GPC4: variants seen among roughly 807,000 people sequenced by gnomAD.
GPC4 encodes glypican-4.
A neutral mutation model predicts 35.0 loss-of-function variants in GPC4; 10 were observed. That is an observed-to-expected ratio of 0.29 (90% CI 0.18 to 0.48). GPC4 has a LOEUF of 0.48. Among genes scored for constraint, GPC4 ranks in the 20% least tolerant of loss-of-function variants. The probability of loss-of-function intolerance (pLI) is 0.99; values close to 1 mark genes in which losing one functional copy is unlikely to be tolerated. For missense variants in GPC4, 322 were observed against 451.3 expected (o/e 0.71, Z 2.60); for synonymous variants, 167 against 170.2 (o/e 0.98, Z 0.15).
intron 2 of GPC4, among the ~76,000 whole-genome samples, chrX:133,334,933 A>G (rs2068435507): frequency 1.8e-5 from 2 of 112,254 alleles, no homozygotes; most frequent in Admixed American, 1.9e-4. Flanking sequence ...ATTCAGAAAT[A>G]CATTTAACAT....
chrX:133,316,500 T>C (rs2068339037), intron 3 of GPC4, among the ~76,000 whole-genome samples: 1 of 111,808 alleles, frequency 8.9e-6, no homozygotes, highest in African/African-American at 3.2e-5. Flanking sequence ...GTACAGTATC[T>C]CCATGTACAA....
At chrX:133,407,630 A>G (rs887863139) in intron 1 of GPC4, among the ~76,000 whole-genome samples, 12 of 111,471 alleles carry the variant, frequency 1.1e-4, no homozygotes, top group African/African-American at 3.9e-4. Flanking sequence ...CCTTTTCACC[A>G]TTATTATCAC....
chrX:133,405,498 G>A (rs559448890), intron 1 of GPC4, among the ~76,000 whole-genome samples: 3 of 112,052 alleles, frequency 2.7e-5, no homozygotes, highest in African/African-American at 6.5e-5. Context: ...TAGTGCCCTC[G>A]ATGATTATGG....
intron 1 of GPC4, among the ~76,000 whole-genome samples, chrX:133,343,840 C>T (rs2068477231): frequency 9.0e-6 from 1 of 111,596 alleles, no homozygotes; most frequent in African/African-American, 3.3e-5. Flanking sequence ...AAATTACTCT[C>T]AATCCTGCTG....
At chrX:133,315,194 C>T (rs1179739241) in intron 3 of GPC4, among the ~76,000 whole-genome samples, 2 of 108,447 alleles carry the variant, frequency 1.8e-5, no homozygotes, top group Non-Finnish European at 3.8e-5. Flanking sequence ...ATCTGAAATG[C>T]TCCAGTGAGC....
In GPC4 at chrX:133,324,188, T is replaced by C. The variant is rs747597543; in HGVS notation, c.668A>G (p.Gln223Arg). Residue 223 changes from glutamine (Q) to arginine (R), a missense_variant, in exon 3 of 9, where the codon CAA becomes CGA. Around this residue, in one of 3 missense-constraint regions of GPC4, gnomAD observed 163 missense variants for 277.2 expected, o/e 0.59. Transcript: ENST00000370828. Reference protein sequence around the residue: ...RAFVAARTFAQGLAVAGDVVS... With the variant: ...RAFVAARTFARGLAVAGDVVS... ...GACATCTCCCGCAACCGCTAAGCCTTGAGCGAAAGTACGGGCTGCTACAAA... is the reference window on the plus strand; with the variant it reads ...GACATCTCCCGCAACCGCTAAGCCTCGAGCGAAAGTACGGGCTGCTACAAA... 43 of 1,209,247 alleles carry C rather than the reference T, an allele frequency of 3.6e-5. No homozygotes were observed. Among genetic ancestry groups the C allele is most frequent in the Non-Finnish European group, 4.5e-6 (4 of 894,975 alleles).
chrX:133,376,287 TC>T (rs2068632884), intron 1 of GPC4, among the ~76,000 whole-genome samples: 1 of 111,674 alleles, frequency 9.0e-6, no homozygotes, highest in Non-Finnish European at 1.9e-5. Flanking sequence ...CCCCGGGCTC[TC>T]CCCTGCCACC....
intron 2 of GPC4, among the ~76,000 whole-genome samples, chrX:133,325,732 T>C (rs1356111333): frequency 1.8e-5 from 2 of 112,077 alleles, no homozygotes; most frequent in South Asian, 7.5e-4. Context: ...AGCCAGAACA[T>C]TGGTGAGCTT....
rs777472756 is a variant in GPC4 at position 133,366,885 on chromosome X, T to C, written c.161-27544A>G. Reference sequence around the variant, plus strand: ...ATTGCAAGCCAAGTCTTCATTTGCATAGGAGTATAACCTTGTAACTTCACT... The same window carrying C: ...ATTGCAAGCCAAGTCTTCATTTGCACAGGAGTATAACCTTGTAACTTCACT... On this transcript the variant is annotated intron_variant, in intron 1 of 8. Transcript: ENST00000370828. 1.5e-3 allele frequency among the ~76,000 whole-genome samples: 172 copies of C among 112,170 alleles called. 1 individual carries two copies. Among genetic ancestry groups the C allele is most frequent in the Non-Finnish European group, 2.3e-3 (125 of 53,222 alleles).
intron 1 of GPC4, among the ~76,000 whole-genome samples, chrX:133,344,153 C>G (rs1569347191): frequency 1.1e-5 from 1 of 88,970 alleles, no homozygotes; most frequent in African/African-American, 3.8e-5. Context: ...TGACTATTTT[C>G]TCTTTCTTTC....
Position 133,303,331 on chromosome X carries a change from C to A in GPC4, c.1303G>T (p.Ala435Ser), listed in dbSNP as rs756672821. ...TTGGCTAATCCATTTCCTGTCACTG[C>A]AAACAGGTACCTGGAATGTAAAATG... ...NGKGKSRYLF[A>S]VTGNGLANQG... The change falls in exon 8 of 9, where the codon GCA becomes TCA. Residue 435 changes from alanine to serine, a missense_variant. Physicochemically the swap from Ala to Ser is moderately conservative, Grantham distance 99. Coordinates refer to ENST00000370828, the MANE Select transcript of GPC4 (RefSeq NM_001448.3). 2 of 1,206,223 alleles carry A rather than the reference C, an allele frequency of 1.7e-6. No homozygotes were observed. Among genetic ancestry groups the A allele is most frequent in the Admixed American group, 2.2e-5 (1 of 45,446 alleles).
chrX:133,370,589 TTTTC>T (rs1277733073), intron 1 of GPC4, among the ~76,000 whole-genome samples: 19 of 111,440 alleles, frequency 1.7e-4, no homozygotes, highest in Middle Eastern at 4.6e-3. Context: ...TCATCTCTAC[TTTTC>T]AACCTGGATC....
chrX:133,354,583 A>G, intron 1 of GPC4, among the ~76,000 whole-genome samples: 1 of 59,900 alleles, frequency 1.7e-5, no homozygotes, highest in African/African-American at 1.2e-4. Flanking sequence ...TTTTTTTGAG[A>G]CGGAGTCTCG....
At chrX:133,351,179 A>G (rs1349860864) in intron 1 of GPC4, among the ~76,000 whole-genome samples, 3 of 111,932 alleles carry the variant, frequency 2.7e-5, no homozygotes, top group Non-Finnish European at 5.6e-5. Context: ...GCTTTAAGTA[A>G]AACTTGTCTC....
chrX:133,346,893 T>C (rs1005296725), intron 1 of GPC4, among the ~76,000 whole-genome samples: 1 of 110,689 alleles, frequency 9.0e-6, no homozygotes, highest in African/African-American at 3.3e-5. Context: ...GGGGAAAGAA[T>C]GAAAGTGAGG....
chrX:133,379,161 T>G (rs915830525), intron 1 of GPC4, among the ~76,000 whole-genome samples: 1 of 112,570 alleles, frequency 8.9e-6, no homozygotes, highest in Non-Finnish European at 1.9e-5. Flanking sequence ...AGCAGCACTA[T>G]TCACCATAGC....
Position 133,324,147 on chromosome X carries a change from C to T in GPC4, c.709G>A (p.Val237Met), listed in dbSNP as rs372915578. ...CAGAGAAGACAAGGAGTACTTACCA[C>T]GGAGACCTTGCTCACGACATCTCCC... ...VAGDVVSKVS[V>M]VNPTAQCTHA... The change falls in exon 3 of 9, where the codon GTG becomes ATG. Residue 237 changes from valine (V) to methionine (M), a missense_variant and splice_region_variant. By Grantham distance (21) the Val-to-Met change is conservative (BLOSUM62 1). Coordinates refer to ENST00000370828, the MANE Select transcript of GPC4 (RefSeq NM_001448.3). The T allele has an allele frequency of 5.8e-5, 69 of 1,194,406 alleles. No individual in the cohort carries two copies. Among genetic ancestry groups the T allele is most frequent in the Non-Finnish European group, 7.5e-5 (67 of 888,178 alleles).
intron 1 of GPC4, among the ~76,000 whole-genome samples, chrX:133,407,230 T>C (rs960194056): frequency 1.0e-4 from 11 of 110,534 alleles, no homozygotes; most frequent in African/African-American, 3.6e-4. Context: ...TGCCAGGTGG[T>C]TCAATTTCAC....
chrX:133,339,047 G>A lies in GPC4; in HGVS notation c.319+136C>T, dbSNP rs2068455548. 1.1e-5 allele frequency: 6 copies of A among 554,235 alleles called. No individual in the cohort carries two copies. The South Asian group carries it at 2.0e-4, about 19-fold the overall frequency. 45.7% of individuals were successfully genotyped at this position (554,235 alleles called of 1,213,427 possible). A position where few individuals can be genotyped will look rare whatever the true frequency, so the allele number is the denominator to read the frequency against. ...GAAGTATTCTAGCCATAAAGCTACAGGGTAAACTCGTCTCTGGTATCCAAC... is the reference window on the plus strand; with the variant it reads ...GAAGTATTCTAGCCATAAAGCTACAAGGTAAACTCGTCTCTGGTATCCAAC... On this transcript the variant is annotated intron_variant, in intron 2 of 8. Transcript: ENST00000370828.
Sources: allele counts gnomAD v4.1 joint callset (sites outside exome capture counted in the v4.1 genomes callset), GRCh38; gene constraint gnomAD v4.1.1; regional missense constraint gnomAD v4.1.1; transcripts MANE v1.5; gene names NCBI Gene and HGNC (gene_info 2026-07-23, HGNC 2026-07-21).